The following CORO1A variants were observed in gnomAD, a reference collection of about 807,000 sequenced individuals.
CORO1A encodes coronin-1A.
CORO1A carries 17 observed loss-of-function variants against 44.1 expected under a neutral mutation model. The ratio of observed to expected loss-of-function variants is 0.39; its 90% confidence interval spans 0.26 to 0.58. CORO1A has a LOEUF of 0.58. Ranked by LOEUF, CORO1A falls within the 20% of genes least tolerant of loss-of-function variation. The pLI is 0.62. For synonymous variants in CORO1A, 271 were observed against 244.2 expected (o/e 1.11, Z -1.02); for missense variants, 415 against 606.5 (o/e 0.68, Z 3.32).
rs746458724 is a variant in CORO1A at position 30,185,248 on chromosome 16, C to T, written c.39C>T (p.His13=). The change falls in exon 2 of 11, where the codon CAC becomes CAT. Residue 13 remains histidine, a synonymous_variant. Transcript: ENST00000219150. Reference sequence around the variant, plus strand: ...TGGTCCGCTCCAGCAAGTTCCGCCACGTGTTTGGACAGCCGGCCAAGGCCG... The same window carrying T: ...TGGTCCGCTCCAGCAAGTTCCGCCATGTGTTTGGACAGCCGGCCAAGGCCG... ...RQVVRSSKFR[H]VFGQPAKADQ... is the part of the protein sequence containing the mutation. The T allele has an allele frequency of 1.9e-5, 31 of 1,614,052 alleles. No individual in the cohort carries two copies. The highest frequency in any genetic ancestry group is 2.5e-5 in the Non-Finnish European group (30 of 1,180,026).
intron 5 of CORO1A, 78 bp from the exon 6 acceptor site, chr16:30,187,304 C>G: frequency 6.2e-7 from 1 of 1,604,778 alleles, no homozygotes; most frequent in Non-Finnish European, 8.5e-7. Context: ...TTGGATGCTG[C>G]CCTCCCTCGC....
intron 2 of CORO1A, chr16:30,186,023 C>T (rs574584525): frequency 3.2e-4 from 64 of 199,942 alleles, no homozygotes; most frequent in East Asian, 2.4e-3. Context: ...AAGTGGTTGT[C>T]GGGGTGAGAG....
intron 6 of CORO1A, 27 bp downstream of exon 6, chr16:30,187,528 G>A (rs1247348913): frequency 6.3e-7 from 1 of 1,593,738 alleles, no homozygotes; most frequent in Non-Finnish European, 8.5e-7. Flanking sequence ...GAAGCCGAGG[G>A]CCCCCAGGCT....
intron 5 of CORO1A, 47 bp from the exon 6 acceptor site, chr16:30,187,335 G>A (rs752844899): frequency 1.2e-5 from 20 of 1,607,078 alleles, no homozygotes; most frequent in East Asian, 4.5e-5. Context: ...GACTGGCCCC[G>A]TAGGGTATGT....
At chr16:30,187,551 T>A in intron 6 of CORO1A, 50 bp downstream of exon 6, 1 of 1,577,198 alleles carries the variant, frequency 6.3e-7, no homozygotes, top group Non-Finnish European at 8.6e-7. Flanking sequence ...GAACCAAGAC[T>A]GGAGGTTTCG....
At position 30,187,142 on chromosome 16, in the gene CORO1A, C is replaced by T. The variant is rs745531321; in HGVS notation, c.555C>T (p.Ser185=). 1.4e-5 allele frequency: 23 copies of T among 1,613,934 alleles called. No homozygotes were observed. Among genetic ancestry groups the T allele is most frequent in the Non-Finnish European group, 1.7e-5 (20 of 1,180,024 alleles). The change falls in exon 5 of 11, where the codon AGC becomes AGT. Residue 185 remains serine, a synonymous_variant. Transcript: ENST00000219150. Reference sequence around the variant, plus strand: ...ACACGATCTACAGTGTGGACTGGAGCCGAGATGGAGGCCTCATTTGTACCT... The same window carrying T: ...ACACGATCTACAGTGTGGACTGGAGTCGAGATGGAGGCCTCATTTGTACCT... ...HPDTIYSVDW[S]RDGGLICTSC...
intron 10 of CORO1A, 85 bp from the exon 11 acceptor site, chr16:30,188,775 C>CA (rs1412283266): frequency 1.9e-6 from 1 of 533,508 alleles, no homozygotes; most frequent in Non-Finnish European, 3.2e-6. Flanking sequence ...GGCCCAAGGC[C>CA]AGGGCTCTAG....
intron 2 of CORO1A, chr16:30,185,718 T>A: frequency 2.2e-6 from 1 of 446,474 alleles, no homozygotes; most frequent in Non-Finnish European, 4.1e-6. Flanking sequence ...ACAGAGGGGG[T>A]TGGGATGGGG....
At chr16:30,185,792 C>T in intron 2 of CORO1A, 1 of 288,360 alleles carries the variant, frequency 3.5e-6, no homozygotes, top group South Asian at 3.8e-5. Context: ...TGTCTGAGGA[C>T]CTAGCAACTC....
chr16:30,184,819 A>C lies in CORO1A; in HGVS notation c.-1-390A>C, dbSNP rs1017347748. On this transcript the variant is annotated intron_variant, in intron 1 of 10. Coordinates refer to ENST00000219150, the MANE Select transcript of CORO1A (RefSeq NM_007074.4). The surrounding 1 kb of genome is among the most constrained non-coding windows in gnomAD (Gnocchi z 4.3). ...AGGTGGGCTCTGGACACGGTAACTA[A>C]GAGAGAACCCACCCTCGGAGCCATC... The C allele has an allele frequency of 2.9e-6, 1 of 346,332 alleles. No individual in the cohort carries two copies. Among genetic ancestry groups the C allele is most frequent in the African/African-American group, 2.1e-5 (1 of 46,924 alleles). 21.5% of individuals were successfully genotyped at this position (346,332 alleles called of 1,614,324 possible).
chr16:30,185,605 C>T, intron 2 of CORO1A, 198 bp downstream of exon 2: 1 of 608,720 alleles, frequency 1.6e-6, no homozygotes, highest in Non-Finnish European at 2.9e-6. Context: ...CAGAAGGAGC[C>T]AACACAAGAT....
chr16:30,186,190 CCACT>C (rs2073331369), intron 2 of CORO1A: 3 of 313,358 alleles, frequency 9.6e-6, no homozygotes, highest in Non-Finnish European at 1.9e-5. Context: ...TGCAGCCCCA[CCACT>C]CACACTCGCT....
At chr16:30,185,489 C>T in intron 2 of CORO1A, 82 bp downstream of exon 2, 2 of 1,242,184 alleles carry the variant, frequency 1.6e-6, no homozygotes, top group Non-Finnish European at 2.3e-6. Context: ...TGACGGTCAC[C>T]AGGCCTTCCA....
In CORO1A at chr16:30,184,970, G is replaced by A. The variant is rs761633020; in HGVS notation, c.-1-239G>A. Reference sequence around the variant, plus strand: ...CTCTGTTGCAGAGGCTGAGGGTACAGATTGAGAGGGTGGCTCAGAGTGGCC... The same window carrying A: ...CTCTGTTGCAGAGGCTGAGGGTACAAATTGAGAGGGTGGCTCAGAGTGGCC... On this transcript the variant is annotated intron_variant, in intron 1 of 10. Transcript: ENST00000219150. The surrounding 1 kb of genome is among the most constrained non-coding windows in gnomAD (Gnocchi z 4.3). The A allele has an allele frequency of 1.7e-5, 10 of 604,924 alleles. No individual in the cohort carries two copies. Among genetic ancestry groups the A allele is most frequent in the Non-Finnish European group, 2.7e-5 (9 of 338,074 alleles). The allele number at this position is 604,924 out of a possible 1,614,324, so 37.5% of individuals were successfully genotyped here. A position where few individuals can be genotyped will look rare whatever the true frequency, so the allele number is the denominator to read the frequency against.
At position 30,184,213 on chromosome 16, in the gene CORO1A, C is replaced by G. The variant is rs116307333; in HGVS notation, c.-2+488C>G. The stretch of plus-strand genomic sequence containing the variant: ...TGTCCCCCACCTCTGGTCCGGGGCT[C>G]CCCTCTCTCCAGATACAGGCTGCTC... On this transcript the variant is annotated intron_variant, in intron 1 of 10. Coordinates refer to ENST00000219150, the MANE Select transcript of CORO1A (RefSeq NM_007074.4). This position sits in a 1 kb window ranked among gnomAD's most constrained non-coding sequence, Gnocchi z 4.3. 3.3e-5 allele frequency: 5 copies of G among 152,202 alleles called. No homozygotes were observed. Among genetic ancestry groups the G allele is most frequent in the African/African-American group, 1.2e-4 (5 of 41,398 alleles). 9.4% of individuals were successfully genotyped at this position (152,202 alleles called of 1,614,324 possible).
At position 30,187,229 on chromosome 16, in the gene CORO1A, T is replaced by C. The variant is rs1220984722; in HGVS notation, c.636+6T>C. ...GCAAAGGCACTGTCGTAGCTGTGAGTCGCCATCTACCCTGACCTTTGACCC... is the reference window on the plus strand; with the variant it reads ...GCAAAGGCACTGTCGTAGCTGTGAGCCGCCATCTACCCTGACCTTTGACCC... On this transcript the variant is annotated splice_donor_region_variant and intron_variant, in intron 5 of 10. Coordinates refer to ENST00000219150, the MANE Select transcript of CORO1A (RefSeq NM_007074.4). 1 of 1,611,018 alleles carries C rather than the reference T, an allele frequency of 6.2e-7. No individual in the cohort carries two copies.
Position 30,186,663 on chromosome 16 carries a change from C to A in CORO1A, c.264C>A (p.Ala88=). 6.2e-7 allele frequency: 1 copy of A among 1,613,328 alleles called. No homozygotes were observed. The highest frequency in any genetic ancestry group is 8.5e-7 in the Non-Finnish European group (1 of 1,179,928). ...CGHTAPVLDI[A]WCPHNDNVIA... ...ACACAGCCCCTGTGCTAGACATCGC[C>A]TGGTGCCCGCACAATGACAACGTCA... Residue 88 remains alanine (A), a synonymous_variant, in exon 3 of 11, where the codon GCC becomes GCA. Transcript: ENST00000219150.
At chr16:30,185,431 G>A (rs1455286249) in intron 2 of CORO1A, 24 bp downstream of exon 2, 11 of 1,601,876 alleles carry the variant, frequency 6.9e-6, no homozygotes, top group Non-Finnish European at 9.4e-6. Context: ...GCCCTGGGGG[G>A]AGCAGCTCCT....
Position 30,187,984 on chromosome 16 carries a change from C to A in CORO1A, c.904C>A (p.Pro302Thr). The A allele has an allele frequency of 6.2e-7, 1 of 1,614,102 alleles. No individual in the cohort carries two copies. The highest frequency in any genetic ancestry group is 8.5e-7 in the Non-Finnish European group (1 of 1,180,010). The change falls in exon 8 of 11, where the codon CCT becomes ACT. Residue 302 changes from proline (P) to threonine (T), a missense_variant. Pro to Thr is a conservative substitution (Grantham distance 38). Transcript: ENST00000219150. ...IRYFEITSEA[P>T]FLHYLSMFSS... is the part of the protein sequence containing the mutation. Reference sequence around the variant, plus strand: ...GTACTTTGAGATCACTTCCGAGGCCCCTTTCCTGCACTATCTCTCCATGTT... The same window carrying A: ...GTACTTTGAGATCACTTCCGAGGCCACTTTCCTGCACTATCTCTCCATGTT...
Sources: gnomAD v4.1 joint callset for allele counts on GRCh38, gnomAD v4.1.1 for gene constraint, Gnocchi (gnomAD v3.1) non-coding constraint, MANE v1.5 for transcripts, NCBI Gene and HGNC (gene_info 2026-07-23, HGNC 2026-07-21) for gene names.